The following NEMP2 variants were observed in gnomAD, a reference collection of about 807,000 sequenced individuals.
The protein encoded by NEMP2 is nuclear envelope integral membrane protein 2.
In NEMP2, 53 loss-of-function variants were observed where a neutral mutation model predicts 54.2. The ratio of observed to expected loss-of-function variants is 0.98; its 90% CI spans 0.78 to 1.23. The LOEUF is 1.23. NEMP2 is among the 50% of genes most tolerant of loss of function. The pLI, the probability that NEMP2 is intolerant of heterozygous loss-of-function variation, is 0.00. For synonymous variants in NEMP2, 197 were observed against 190.3 expected, an observed-to-expected ratio of 1.04 and a Z score of -0.29; for missense variants, 455 against 511.3, an observed-to-expected ratio of 0.89 and a Z score of 1.06.
downstream of NEMP2, chr2:190,501,292 G>A (rs562507873): frequency 1.3e-5 from 2 of 152,278 alleles, no homozygotes; most frequent in East Asian, 1.9e-4. Flanking sequence ...ATGGCAATAA[G>A]TAGCAACTAT....
Position 190,514,574 on chromosome 2 carries a change from G to C in NEMP2, c.832C>G (p.Leu278Val). Residue 278 changes from leucine to valine, a missense_variant, in exon 7 of 9, where the codon CTC becomes GTC. Around this residue, in one of 3 missense-constraint regions of NEMP2, gnomAD observed 294 missense variants for 333.6 expected, o/e 0.88. Transcript: ENST00000409150. This position sits in a 1 kb window ranked among gnomAD's most constrained non-coding sequence, Gnocchi z 5.7. ...RSLLMWMLRL[L>V]SLVLVYAGVA... ...CCAGCATAGACCAGAACCAGGGAGA[G>C]GAGTCGCAGCATCCACATCAGAAGA... 3 of 1,551,750 alleles carry C rather than the reference G, an allele frequency of 1.9e-6. No homozygotes were observed. The highest frequency in any genetic ancestry group is 2.6e-6 in the Non-Finnish European group (3 of 1,147,000).
chr2:190,540,941 C>T, the NEMP2 span, among the ~76,000 whole-genome samples: 1 of 151,950 alleles, frequency 6.6e-6, no homozygotes, highest in Non-Finnish European at 1.5e-5. Flanking sequence ...TTAATTTCTT[C>T]AATCTTGGCA....
At chr2:190,432,280 T>C in the NEMP2 span, among the ~76,000 whole-genome samples, 1 of 152,216 alleles carries the variant, frequency 6.6e-6, no homozygotes, top group South Asian at 2.1e-4. Context: ...GGGAACCTCC[T>C]GAAGAAAGTG....
the NEMP2 span, among the ~76,000 whole-genome samples, chr2:190,428,603 G>A: frequency 6.6e-6 from 1 of 152,166 alleles, no homozygotes; most frequent in Non-Finnish European, 1.5e-5. Flanking sequence ...ATGCTACAAT[G>A]TGCATCTCCT....
At chr2:190,494,119 C>T in the NEMP2 span, among the ~76,000 whole-genome samples, 1 of 151,670 alleles carries the variant, frequency 6.6e-6, no homozygotes, top group South Asian at 2.1e-4. The surrounding 1 kb of genome is among the most constrained non-coding windows in gnomAD (Gnocchi z 5.7). Flanking sequence ...CAAGATTAAC[C>T]AAGAAAAGAA....
chr2:190,563,393 C>A, the NEMP2 span, among the ~76,000 whole-genome samples: 1 of 152,160 alleles, frequency 6.6e-6, no homozygotes, highest in South Asian at 2.1e-4. This position sits in a 1 kb window ranked among gnomAD's most constrained non-coding sequence, Gnocchi z 4.3. Flanking sequence ...GCTCAGCAGA[C>A]AAAGCTCAAG....
Position 190,519,278 on chromosome 2 carries a change from G to C in NEMP2, c.214-95C>G. ...CCTCTGTTGCCCAGAATGGAGTGCA[G>C]TGGCAGGATCTCTGCTCACTGCAAC... is the stretch of plus-strand genomic sequence containing the variant. On this transcript the variant is annotated intron_variant, in intron 2 of 8. Coordinates refer to ENST00000409150, the MANE Select transcript of NEMP2 (RefSeq NM_001142645.2). The surrounding 1 kb of genome is among the most constrained non-coding windows in gnomAD (Gnocchi z 5.4). 1 of 867,458 alleles carries C rather than the reference G, an allele frequency of 1.2e-6. No individual in the cohort carries two copies. The highest frequency in any genetic ancestry group is 2.7e-5 in the East Asian group (1 of 37,596). The allele number at this position is 867,458 out of a possible 1,614,324, so 53.7% of individuals were successfully genotyped here.
At chr2:190,606,617 C>G in the NEMP2 span, among the ~76,000 whole-genome samples, 1 of 152,148 alleles carries the variant, frequency 6.6e-6, no homozygotes, top group Non-Finnish European at 1.5e-5. Context: ...GAGGCTGAGA[C>G]AGGAGAATTG....
At chr2:190,515,699 T>C (rs1366660779) in intron 6 of NEMP2, among the ~76,000 whole-genome samples, 1 of 152,242 alleles carries the variant, frequency 6.6e-6, no homozygotes, top group South Asian at 2.1e-4. Flanking sequence ...AGTGAACTTA[T>C]GTGAGAAATT....
chr2:190,470,564 C>T, the NEMP2 span, among the ~76,000 whole-genome samples: 1 of 152,216 alleles, frequency 6.6e-6, no homozygotes. Context: ...AGGTTCAGGA[C>T]AAGATCGCTG....
In NEMP2 at chr2:190,522,941, T is replaced by C. The variant is rs1176651462; in HGVS notation, c.213+2322A>G. ...AAATGTATTTGATTAATGTCTCATG[T>C]CTCCCTAAAATATGTAAAACCAAGC... On this transcript the variant is annotated intron_variant, in intron 2 of 8. Transcript: ENST00000409150. This position sits in a 1 kb window ranked among gnomAD's most constrained non-coding sequence, Gnocchi z 5.0. Among the ~76,000 whole-genome samples, 1 of 152,116 alleles carries C rather than the reference T, an allele frequency of 6.6e-6. No homozygotes were observed. The highest frequency in any genetic ancestry group is 1.9e-4 in the East Asian group (1 of 5,200).
At chr2:190,632,793 A>C in the NEMP2 span, among the ~76,000 whole-genome samples, 1 of 152,242 alleles carries the variant, frequency 6.6e-6, no homozygotes, top group African/African-American at 2.4e-5. The surrounding 1 kb of genome is among the most constrained non-coding windows in gnomAD (Gnocchi z 4.8). Context: ...CTGTTATGTC[A>C]ATTAAAAAAA....
the NEMP2 span, among the ~76,000 whole-genome samples, chr2:190,462,045 A>C: frequency 6.6e-6 from 1 of 152,134 alleles, no homozygotes; most frequent in Non-Finnish European, 1.5e-5. This position sits in a 1 kb window ranked among gnomAD's most constrained non-coding sequence, Gnocchi z 5.7. Flanking sequence ...ATCTACAGAA[A>C]TATACTCCTT....
chr2:190,496,123 G>A, the NEMP2 span, among the ~76,000 whole-genome samples: 5 of 150,944 alleles, frequency 3.3e-5, no homozygotes, highest in Admixed American at 1.3e-4. This position sits in a 1 kb window ranked among gnomAD's most constrained non-coding sequence, Gnocchi z 4.7. Context: ...AATCTATGAC[G>A]AACTCAAACA....
In NEMP2 at chr2:190,534,673, C is replaced by T; in HGVS notation, c.-18G>A. On this transcript the variant is annotated 5_prime_UTR_variant, in exon 1 of 9. Coordinates refer to ENST00000409150, the MANE Select transcript of NEMP2 (RefSeq NM_001142645.2). ...GGCCCCATTTCGTTAGGGGTCAGCT[C>T]CGTGCGACCCGAGCCCTAGGGGACC... The T allele has an allele frequency of 7.9e-7, 1 of 1,264,762 alleles. No individual in the cohort carries two copies. Among genetic ancestry groups the T allele is most frequent in the Non-Finnish European group, 9.9e-7 (1 of 1,005,410 alleles). The allele number at this position is 1,264,762 out of a possible 1,614,324, so 78.3% of individuals were successfully genotyped here.
chr2:190,510,611 G>A lies in NEMP2; in HGVS notation c.954-74C>T, dbSNP rs1046208810. 16 of 1,481,440 alleles carry A rather than the reference G, an allele frequency of 1.1e-5. No individual in the cohort carries two copies. The highest frequency in any genetic ancestry group is 9.9e-5 in the Admixed American group (5 of 50,352). 91.8% of individuals were successfully genotyped at this position (1,481,440 alleles called of 1,614,324 possible). ...AGATTTACAAAAATAGGCCAGGCTC[G>A]GTGGCTCACGCCTGTAATCCAGCAT... On this transcript the variant is annotated intron_variant, in intron 7 of 8. Coordinates refer to ENST00000409150, the MANE Select transcript of NEMP2 (RefSeq NM_001142645.2). The surrounding 1 kb of genome is among the most constrained non-coding windows in gnomAD (Gnocchi z 5.7).
chr2:190,492,907 C>T, the NEMP2 span, among the ~76,000 whole-genome samples: 1 of 151,910 alleles, frequency 6.6e-6, no homozygotes, highest in African/African-American at 2.4e-5. The surrounding 1 kb of genome is among the most constrained non-coding windows in gnomAD (Gnocchi z 5.2). Context: ...CCTGGAAACA[C>T]ATCCAAACAG....
chr2:190,476,719 A>T, the NEMP2 span, among the ~76,000 whole-genome samples: 8 of 152,264 alleles, frequency 5.3e-5, no homozygotes, highest in Admixed American at 2.6e-4. Context: ...TACCCAAAGG[A>T]TTATAAATCA....
rs1690895663 is a variant in NEMP2 at position 190,525,355 on chromosome 2, C to G, written c.121G>C (p.Glu41Gln). Residue 41 changes from glutamate to glutamine, a missense_variant, in exon 2 of 9, where the codon GAA becomes CAA. By Grantham distance (29) the Glu-to-Gln change is conservative. Coordinates refer to ENST00000409150, the MANE Select transcript of NEMP2 (RefSeq NM_001142645.2). This position sits in a 1 kb window ranked among gnomAD's most constrained non-coding sequence, Gnocchi z 5.0. ...TCAGACGTTCTAATTAAATCTTTTT[C>G]CTTCAAAGCTTTACACCTACGAACT... Reference protein sequence around the residue: ...LSVRRCKALKEKDLIRTSESD... With the variant: ...LSVRRCKALKQKDLIRTSESD... 1.3e-6 allele frequency: 2 copies of G among 1,547,070 alleles called. No individual in the cohort carries two copies. Among genetic ancestry groups the G allele is most frequent in the Non-Finnish European group, 1.7e-6 (2 of 1,143,488 alleles).
Sources: gnomAD v4.1 joint callset for allele counts (sites outside exome capture counted in the v4.1 genomes callset) on GRCh38, gnomAD v4.1.1 for gene constraint, gnomAD v4.1.1 regional missense constraint, Gnocchi (gnomAD v3.1) non-coding constraint, MANE v1.5 for transcripts, NCBI Gene and HGNC (gene_info 2026-07-23, HGNC 2026-07-21) for gene names.